The following VIL1 variants were observed in gnomAD, a reference collection of about 807,000 sequenced individuals.
The protein encoded by VIL1 is villin-1.
In VIL1, 86 loss-of-function variants were observed where a neutral mutation model predicts 104.0. The observed-to-expected ratio is 0.83, with a 90% CI of 0.69 to 0.99. The LOEUF is 0.99. VIL1 is among the 50% of genes least tolerant of loss of function. The pLI, the probability that VIL1 is intolerant of heterozygous loss-of-function variation, is 0.00. For synonymous variants in VIL1, 394 were observed against 412.6 expected (o/e 0.95, Z 0.55); for missense variants, 944 against 1,054.1 (o/e 0.90, Z 1.45).
intron 19 of VIL1, among the ~76,000 whole-genome samples, chr2:218,444,168 C>T (rs150577570): frequency 3.5e-4 from 53 of 152,064 alleles, no homozygotes; most frequent in African/African-American, 1.2e-3. Context: ...CAGGGTTTCA[C>T]CAGATTGGTC....
chr2:218,439,193 AGTGCTAG>A (rs1391723042), intron 18 of VIL1, among the ~76,000 whole-genome samples: 1 of 151,806 alleles, frequency 6.6e-6, no homozygotes, highest in Non-Finnish European at 1.5e-5. Context: ...GGCCTCCCAA[AGTGCTAG>A]GATTGCAGGC....
At chr2:218,431,373 A>T (rs552103652) in intron 10 of VIL1, among the ~76,000 whole-genome samples, 1 of 118,870 alleles carries the variant, frequency 8.4e-6, no homozygotes. Context: ...AAAAAAAAAA[A>T]GGGGAGCTGT....
chr2:218,425,235 C>A (rs1432796272), intron 3 of VIL1, among the ~76,000 whole-genome samples: 1 of 152,248 alleles, frequency 6.6e-6, no homozygotes, highest in Admixed American at 6.5e-5. Flanking sequence ...CATCTGCCCC[C>A]ACACCTGGCT....
At chr2:218,423,979 C>A in intron 2 of VIL1, 126 bp downstream of exon 2, 1 of 1,041,748 alleles carries the variant, frequency 9.6e-7, no homozygotes, top group Non-Finnish European at 1.4e-6. Context: ...AGAGCTCAGC[C>A]CCTCACCTCC....
chr2:218,436,950 C>A (rs1689202121), intron 16 of VIL1, among the ~76,000 whole-genome samples, 174 bp from the exon 17 acceptor site: 1 of 152,192 alleles, frequency 6.6e-6, no homozygotes, highest in Non-Finnish European at 1.5e-5. Context: ...TCTGTCCAAC[C>A]TTCTAATTTC....
rs570306268 is a variant in VIL1 at position 218,443,845 on chromosome 2, C to T, written c.2370+2983C>T. 1.1e-3 allele frequency among the ~76,000 whole-genome samples: 169 copies of T among 151,462 alleles called. 1 individual carries two copies. Among genetic ancestry groups the T allele is most frequent in the African/African-American group, 3.9e-3 (159 of 41,236 alleles). On this transcript the variant is annotated intron_variant, in intron 19 of 19. Transcript: ENST00000248444. ...AATTTTTGTATTTTTAGTAGAGATACGGTTTCACCATATTGGCCAGGCTGG... is the reference window on the plus strand; with the variant it reads ...AATTTTTGTATTTTTAGTAGAGATATGGTTTCACCATATTGGCCAGGCTGG...
intron 19 of VIL1, among the ~76,000 whole-genome samples, chr2:218,446,909 G>A (rs907966216): frequency 3.3e-5 from 5 of 151,752 alleles, no homozygotes; most frequent in Admixed American, 6.6e-5. Flanking sequence ...GATTACAGGC[G>A]CCTGCCACCA....
chr2:218,432,786 T>TC lies in VIL1; in HGVS notation c.1342-3dup, dbSNP rs769388600. The TC allele has an allele frequency of 1.2e-6, 2 of 1,613,840 alleles. No homozygotes were observed. Among genetic ancestry groups the TC allele is most frequent in the South Asian group, 1.1e-5 (1 of 91,054 alleles). On this transcript the variant is annotated splice_polypyrimidine_tract_variant and splice_region_variant and intron_variant, in intron 12 of 19. Coordinates refer to ENST00000248444, the MANE Select transcript of VIL1 (RefSeq NM_007127.3). ...AATCCCACTCACTCCCTCCTGCTCA[T>TC]CCCCAGGGCAGCCAGGCCAGCCAAG...
chr2:218,443,467 T>A (rs964554109), intron 19 of VIL1, among the ~76,000 whole-genome samples: 1 of 151,930 alleles, frequency 6.6e-6, no homozygotes, highest in Non-Finnish European at 1.5e-5. Context: ...CAAAGTGCTA[T>A]TACAAGCATG....
Position 218,432,541 on chromosome 2 carries a change from G to A in VIL1, c.1342-252G>A, listed in dbSNP as rs918386976. ...GAGCAGAAAGGAAAGGAGGAGGTTT[G>A]GGGTTAAGGCTGGGGTTGCAGGTAG... On this transcript the variant is annotated intron_variant, in intron 12 of 19. Coordinates refer to ENST00000248444, the MANE Select transcript of VIL1 (RefSeq NM_007127.3). 5.6e-6 allele frequency: 4 copies of A among 711,900 alleles called. No individual in the cohort carries two copies. The African/African-American group carries it at 7.0e-5, about 12-fold the overall frequency. 44.1% of individuals were successfully genotyped at this position (711,900 alleles called of 1,614,324 possible).
chr2:218,427,799 G>C (rs1036383400), intron 4 of VIL1, among the ~76,000 whole-genome samples, 166 bp from the exon 5 acceptor site: 1 of 152,126 alleles, frequency 6.6e-6, no homozygotes, highest in African/African-American at 2.4e-5. Context: ...TTCAGGACCT[G>C]ACAGTGAGTG....
In VIL1 at chr2:218,453,237, T is replaced by C. The variant is rs1470841253; in HGVS notation, c.*3901T>C. ...AGAAAAGATGTTGCATCTTCTGTGA[T>C]GATGGTTTGTGTTTTTTTTGTTTTT... On this transcript the variant is annotated 3_prime_UTR_variant, in exon 20 of 20. Transcript: ENST00000248444. The C allele has an allele frequency of 6.6e-6, 1 of 151,722 alleles. No homozygotes were observed. Among genetic ancestry groups the C allele is most frequent in the East Asian group, 1.9e-4 (1 of 5,192 alleles). The allele number at this position is 151,722 out of a possible 1,614,324, so 9.4% of individuals were successfully genotyped here.
chr2:218,422,128 G>A (rs894258075), intron 1 of VIL1, among the ~76,000 whole-genome samples: 3 of 152,106 alleles, frequency 2.0e-5, no homozygotes, highest in African/African-American at 4.8e-5. Context: ...GGTGGCTCGC[G>A]CCTGTAATCC....
chr2:218,437,384 T>C, intron 17 of VIL1, 72 bp downstream of exon 17: 1 of 1,542,740 alleles, frequency 6.5e-7, no homozygotes, highest in Non-Finnish European at 8.8e-7. Context: ...TGCAGGCCAT[T>C]CTGTCTCTTT....
chr2:218,429,354 G>A lies in VIL1; in HGVS notation c.637G>A (p.Gly213Arg), dbSNP rs370393745. 5.6e-6 allele frequency: 9 copies of A among 1,614,018 alleles called. No individual in the cohort carries two copies. The highest frequency in any genetic ancestry group is 3.3e-5 in the South Asian group (3 of 91,094). ...GGRTYVGVVD[G>R]ENELASPKLM... ...GCGCACCTATGTAGGCGTGGTGGAC[G>A]GAGAGAATGAATTGGCATCCCCGAA... Residue 213 changes from glycine to arginine, a missense_variant, in exon 7 of 20, where the codon GGA becomes AGA. Gly to Arg is a moderately radical substitution (Grantham distance 125). Coordinates refer to ENST00000248444, the MANE Select transcript of VIL1 (RefSeq NM_007127.3).
Position 218,450,080 on chromosome 2 carries a change from T to C in VIL1, c.*744T>C, listed in dbSNP as rs1689444575. The C allele has an allele frequency of 6.6e-6, 1 of 152,164 alleles. No homozygotes were observed. The highest frequency in any genetic ancestry group is 1.5e-5 in the Non-Finnish European group (1 of 68,032). The allele number at this position is 152,164 out of a possible 1,614,324, so 9.4% of individuals were successfully genotyped here. A position where few individuals can be genotyped will look rare whatever the true frequency, so the allele number is the denominator to read the frequency against. On this transcript the variant is annotated 3_prime_UTR_variant, in exon 20 of 20. Transcript: ENST00000248444. ...CTCAGATGAAAATAACAGGAATCAA[T>C]GGGGACTACGGCCAGACACTGGTTT...
chr2:218,430,037 C>T, intron 9 of VIL1, 90 bp downstream of exon 9: 1 of 1,171,824 alleles, frequency 8.5e-7, no homozygotes. Flanking sequence ...CAGGCAGGCT[C>T]AGACCAGGGC....
chr2:218,440,278 T>C (rs1689264455), intron 18 of VIL1, among the ~76,000 whole-genome samples: 1 of 152,180 alleles, frequency 6.6e-6, no homozygotes, highest in African/African-American at 2.4e-5. Context: ...TATGTTGTTG[T>C]TGTTGTTGTT....
rs552766342 is a variant in VIL1, at chr2:218,437,590, T to C, written c.2160+278T>C. Among the ~76,000 whole-genome samples, 4 of 152,368 alleles carry C rather than the reference T, an allele frequency of 2.6e-5. No individual in the cohort carries two copies. The East Asian group carries it at 7.7e-4, about 29-fold the overall frequency. On this transcript the variant is annotated intron_variant, in intron 17 of 19. Transcript: ENST00000248444. The stretch of plus-strand genomic sequence containing the variant: ...TATAGGTAAGAAATGTACTGATTAC[T>C]TAAATTAAAATTAAACACAGTTCAA...
Sources: gnomAD v4.1 joint callset for allele counts (sites outside exome capture counted in the v4.1 genomes callset) on GRCh38, gnomAD v4.1.1 for gene constraint, MANE v1.5 for transcripts, NCBI Gene and HGNC (gene_info 2026-07-23, HGNC 2026-07-21) for gene names.